AKT3: variants seen among roughly 807,000 people sequenced by gnomAD.
AKT3 encodes the protein RAC-gamma serine/threonine-protein kinase.
In AKT3, 15 loss-of-function variants were observed where a neutral mutation model predicts 65.3. That is an observed-to-expected ratio of 0.23 (90% confidence interval 0.15 to 0.35). The LOEUF is 0.35. Among genes scored for constraint, AKT3 ranks in the 10% least tolerant of loss-of-function variants. AKT3 has a pLI of 1.00. For synonymous variants in AKT3, 206 were observed against 183.8 expected, an observed-to-expected ratio of 1.12 and a Z score of -0.98; for missense variants, 243 against 576.5, an observed-to-expected ratio of 0.42 and a Z score of 5.92.
At chr1:243,546,553 A>C (rs1210653020) in intron 11 of AKT3, 2 of 152,148 alleles carry the variant, frequency 1.3e-5, no homozygotes, top group African/African-American at 4.8e-5. Context: ...AGTGCTTAAC[A>C]ACCAGCTCTC....
intron 12 of AKT3, among the ~76,000 whole-genome samples, chr1:243,537,788 T>A (rs1672033322): frequency 6.6e-6 from 1 of 152,346 alleles, no homozygotes; most frequent in East Asian, 1.9e-4. Context: ...TACATCCAGA[T>A]TCTATCCACC....
At chr1:243,619,026 A>G (rs1361468011) in intron 6 of AKT3, among the ~76,000 whole-genome samples, 1 of 152,132 alleles carries the variant, frequency 6.6e-6, no homozygotes, top group African/African-American at 2.4e-5. Context: ...TCCCATCTTC[A>G]AACAACCTAC....
At chr1:243,636,681 G>GC (rs1045422968) in intron 6 of AKT3, among the ~76,000 whole-genome samples, 1 of 151,976 alleles carries the variant, frequency 6.6e-6, no homozygotes, top group Non-Finnish European at 1.5e-5. Flanking sequence ...GCAAATATGT[G>GC]CCCCCCATAA....
intron 2 of AKT3, among the ~76,000 whole-genome samples, chr1:243,751,063 C>T (rs956340858): frequency 2.0e-5 from 3 of 152,092 alleles, no homozygotes; most frequent in Non-Finnish European, 1.5e-5. Context: ...AGCTAACTGG[C>T]CCAATTTTAC....
chr1:243,695,457 C>T (rs528529923), intron 3 of AKT3, 134 bp downstream of exon 3: 3 of 739,446 alleles, frequency 4.1e-6, no homozygotes, highest in Middle Eastern at 8.4e-4. Flanking sequence ...GAAATTCTAT[C>T]AAAGCTGAAA....
chr1:243,743,998 T>G (rs1254983475), intron 2 of AKT3, among the ~76,000 whole-genome samples: 2 of 152,198 alleles, frequency 1.3e-5, no homozygotes, highest in Non-Finnish European at 2.9e-5. Context: ...GCAGCCCCAC[T>G]TCTAGGTACA....
At chr1:243,819,667 C>G (rs1323069907) in intron 2 of AKT3, among the ~76,000 whole-genome samples, 1 of 152,230 alleles carries the variant, frequency 6.6e-6, no homozygotes, top group African/African-American at 2.4e-5. Context: ...TTAAGCAGGT[C>G]CTGGATCTTG....
At chr1:243,798,104 G>C (rs780206716) in intron 2 of AKT3, among the ~76,000 whole-genome samples, 5 of 151,092 alleles carry the variant, frequency 3.3e-5, no homozygotes, top group Non-Finnish European at 5.9e-5. Flanking sequence ...GGATGGTCTC[G>C]ATCTCCTGAC....
intron 2 of AKT3, among the ~76,000 whole-genome samples, chr1:243,800,875 A>G (rs910715092): frequency 6.6e-6 from 1 of 152,230 alleles, no homozygotes. Flanking sequence ...TAAATATCAT[A>G]TAATTAACCT....
At chr1:243,714,144 ACGCTAAC>A (rs971526928) in intron 2 of AKT3, among the ~76,000 whole-genome samples, 3 of 152,332 alleles carry the variant, frequency 2.0e-5, no homozygotes, top group African/African-American at 7.2e-5. Context: ...TCTGAAATGC[ACGCTAAC>A]AGTCACTTAC....
chr1:243,759,047 C>T (rs1689326610), intron 2 of AKT3, among the ~76,000 whole-genome samples: 1 of 152,230 alleles, frequency 6.6e-6, no homozygotes. Context: ...AGGGAGGTGG[C>T]TCATGCCTGT....
intron 12 of AKT3, among the ~76,000 whole-genome samples, chr1:243,525,656 A>G (rs543626436): frequency 6.9e-6 from 1 of 145,132 alleles, no homozygotes; most frequent in Non-Finnish European, 1.5e-5. Context: ...AGATTATGTA[A>G]GAGTCAGTAA....
intron 3 of AKT3, among the ~76,000 whole-genome samples, chr1:243,688,805 T>C (rs963826618): frequency 9.2e-5 from 14 of 152,158 alleles, no homozygotes; most frequent in South Asian, 8.3e-4. Flanking sequence ...CATAATCTGA[T>C]TACTAACTCT....
At chr1:243,585,302 A>G (rs1165803739) in intron 8 of AKT3, among the ~76,000 whole-genome samples, 2 of 152,086 alleles carry the variant, frequency 1.3e-5, no homozygotes, top group African/African-American at 2.4e-5. Flanking sequence ...TAAAATAGCC[A>G]TATTTCCCTG....
Position 243,833,270 on chromosome 1 carries a change from A to C in AKT3, c.46+9855T>G, listed in dbSNP as rs1398487885. On this transcript the variant is annotated intron_variant, in intron 2 of 13. Coordinates refer to ENST00000673466, the MANE Select transcript of AKT3 (RefSeq NM_005465.7). ...CCATATCAAAAAACAAACAAACAAAAAAAACCTGCCAGAGACTGGGTAATT... is the reference window on the plus strand; with the variant it reads ...CCATATCAAAAAACAAACAAACAAACAAAACCTGCCAGAGACTGGGTAATT... 3.3e-5 allele frequency among the ~76,000 whole-genome samples: 5 copies of C among 152,108 alleles called. No homozygotes were observed. In the East Asian group the frequency reaches 7.7e-4, roughly 23 times the overall value.
intron 13 of AKT3, among the ~76,000 whole-genome samples, chr1:243,491,597 C>T (rs1459878247): frequency 1.3e-5 from 2 of 152,210 alleles, no homozygotes; most frequent in Admixed American, 6.5e-5. Flanking sequence ...CTGGCCTTCA[C>T]CTCTAGGTAG....
intron 2 of AKT3, among the ~76,000 whole-genome samples, chr1:243,789,257 G>A (rs1181707247): frequency 2.0e-5 from 3 of 152,192 alleles, no homozygotes; most frequent in East Asian, 1.9e-4. Flanking sequence ...ACAGTGGTGT[G>A]TGACTGTGGT....
chr1:243,495,643 G>C (rs1316341433), downstream of AKT3, among the ~76,000 whole-genome samples: 2 of 152,214 alleles, frequency 1.3e-5, no homozygotes, highest in Non-Finnish European at 2.9e-5. Flanking sequence ...GGCCGCAGGG[G>C]CCTGAGGGTG....
At chr1:243,715,880 T>C (rs1686484260) in intron 2 of AKT3, among the ~76,000 whole-genome samples, 1 of 152,078 alleles carries the variant, frequency 6.6e-6, no homozygotes, top group Non-Finnish European at 1.5e-5. Flanking sequence ...TTAGTGATAA[T>C]ACTTAGGGTA....
Sources: gnomAD v4.1 joint callset for allele counts (sites outside exome capture counted in the v4.1 genomes callset) on GRCh38, gnomAD v4.1.1 for gene constraint, MANE v1.5 for transcripts, NCBI Gene and HGNC (gene_info 2026-07-23, HGNC 2026-07-21) for gene names.